Variants in EDN1 observed in about 807,000 individuals in gnomAD.
The protein encoded by EDN1 is endothelin-1.
In EDN1, 11 loss-of-function variants were observed where a neutral mutation model predicts 21.7. That is an observed-to-expected ratio of 0.51 (90% CI 0.32 to 0.84). EDN1 has a LOEUF of 0.84. Ranked by LOEUF, EDN1 falls within the 40% of genes least tolerant of loss-of-function variation. The pLI is 0.03. For missense variants in EDN1, 244 were observed against 262.3 expected (o/e 0.93, Z 0.48); for synonymous variants, 85 against 90.6 (o/e 0.94, Z 0.35).
Position 12,292,337 on chromosome 6 carries a change from C to T in EDN1, c.65-4C>T, listed in dbSNP as rs376331416. 4 of 1,613,794 alleles carry T rather than the reference C, an allele frequency of 2.5e-6. No individual in the cohort carries two copies. In the African/African-American group the frequency reaches 5.3e-5, roughly 22 times the overall value. On this transcript the variant is annotated splice_region_variant and splice_polypyrimidine_tract_variant and intron_variant, in intron 1 of 4. Transcript: ENST00000379375. Reference sequence around the variant, plus strand: ...CCCCACTGACCTGCTCTTTCTCTCCCCAGCAGTCTTAGGCGCTGAGCTCAG... The same window carrying T: ...CCCCACTGACCTGCTCTTTCTCTCCTCAGCAGTCTTAGGCGCTGAGCTCAG...
chr6:12,248,507 C>A, the EDN1 span, among the ~76,000 whole-genome samples: 1 of 152,172 alleles, frequency 6.6e-6, no homozygotes, highest in South Asian at 2.1e-4. Context: ...AGTCTATGAG[C>A]AGACTGAATG....
At chr6:12,256,602 A>G in the EDN1 span, among the ~76,000 whole-genome samples, 6 of 152,192 alleles carry the variant, frequency 3.9e-5, no homozygotes, top group Non-Finnish European at 1.5e-5. Context: ...GGCCAAAAGC[A>G]TGGAAACCAA....
chr6:12,277,409 T>G, the EDN1 span, among the ~76,000 whole-genome samples: 1 of 152,372 alleles, frequency 6.6e-6, no homozygotes, highest in South Asian at 2.1e-4. Context: ...TGAGCTCATT[T>G]CATACTTAAC....
At chr6:12,247,680 A>G in the EDN1 span, among the ~76,000 whole-genome samples, 1 of 151,612 alleles carries the variant, frequency 6.6e-6, no homozygotes, top group Non-Finnish European at 1.5e-5. Context: ...CTGGGATTAC[A>G]GACATGCGCC....
chr6:12,294,372 A>G lies in EDN1; in HGVS notation c.501A>G (p.Arg167=). Reference sequence around the variant, plus strand: ...AGTTAGTGAGAGGAAGAAAAATCAGAAGAAGTTCAGAGGAACACCTAAGAC... The same window carrying G: ...AGTTAGTGAGAGGAAGAAAAATCAGGAGAAGTTCAGAGGAACACCTAAGAC... The part of the protein sequence containing the change: ...YQQLVRGRKI[R]RSSEEHLRQT... Residue 167 remains arginine (R), a synonymous_variant, in exon 4 of 5, where the codon AGA becomes AGG. Transcript: ENST00000379375. 1 of 1,613,524 alleles carries G rather than the reference A, an allele frequency of 6.2e-7. No homozygotes were observed. The highest frequency in any genetic ancestry group is 2.2e-5 in the East Asian group (1 of 44,830).
chr6:12,280,038 C>T, the EDN1 span, among the ~76,000 whole-genome samples: 181 of 151,870 alleles, frequency 1.2e-3, no homozygotes, highest in Non-Finnish European at 2.4e-3. Context: ...ATTAGAGTTG[C>T]TTTTTAAAAA....
rs761925051 is a variant in EDN1 at position 12,296,196 on chromosome 6, C to T, written c.*129C>T. 24 of 827,106 alleles carry T rather than the reference C, an allele frequency of 2.9e-5. No homozygotes were observed. The highest frequency in any genetic ancestry group is 6.7e-5 in the African/African-American group (4 of 59,738). 51.2% of individuals were successfully genotyped at this position (827,106 alleles called of 1,614,324 possible). A position where few individuals can be genotyped will look rare whatever the true frequency, so the allele number is the denominator to read the frequency against. ...TGGTTCCTGACTGGCAAAGGACCAGCGTCCTCGTTCAAAACATTCCAAGAA... is the reference window on the plus strand; with the variant it reads ...TGGTTCCTGACTGGCAAAGGACCAGTGTCCTCGTTCAAAACATTCCAAGAA... On this transcript the variant is annotated 3_prime_UTR_variant, in exon 5 of 5. Coordinates refer to ENST00000379375, the MANE Select transcript of EDN1 (RefSeq NM_001955.5).
rs150035515 is a variant in EDN1 at position 12,292,366 on chromosome 6, G to T, written c.90G>T (p.Ala30=). Residue 30 remains alanine, a synonymous_variant, in exon 2 of 5, where the codon GCG becomes GCT. Coordinates refer to ENST00000379375, the MANE Select transcript of EDN1 (RefSeq NM_001955.5). ...CAGTCTTAGGCGCTGAGCTCAGCGCGGTGGGTGAGAACGGCGGGGAGAAAC... is the reference window on the plus strand; with the variant it reads ...CAGTCTTAGGCGCTGAGCTCAGCGCTGTGGGTGAGAACGGCGGGGAGAAAC... ...ETAVLGAELS[A]VGENGGEKPT... 118 of 1,614,020 alleles carry T rather than the reference G, an allele frequency of 7.3e-5. 2 individuals carry two copies. The highest frequency in any genetic ancestry group is 8.6e-5 in the Non-Finnish European group (101 of 1,180,058).
chr6:12,292,528 T>C lies in EDN1; in HGVS notation c.233+19T>C. 3 of 1,614,148 alleles carry C rather than the reference T, an allele frequency of 1.9e-6. No individual in the cohort carries two copies. Among genetic ancestry groups the C allele is most frequent in the Non-Finnish European group, 2.5e-6 (3 of 1,179,968 alleles). On this transcript the variant is annotated intron_variant, in intron 2 of 4. Coordinates refer to ENST00000379375, the MANE Select transcript of EDN1 (RefSeq NM_001955.5). ...CTCCCGAGTAAGTCTCTAGAGGGCA[T>C]TGTAACCCTAGTCATTCATTAGCGC... is the stretch of plus-strand genomic sequence containing the variant.
At chr6:12,247,980 G>A in the EDN1 span, among the ~76,000 whole-genome samples, 2 of 152,072 alleles carry the variant, frequency 1.3e-5, no homozygotes, top group East Asian at 3.9e-4. Flanking sequence ...ATAAGGTTAG[G>A]GTCTTAATCC....
the EDN1 span, among the ~76,000 whole-genome samples, chr6:12,243,728 C>T: frequency 2.0e-5 from 3 of 152,036 alleles, no homozygotes; most frequent in Admixed American, 6.5e-5. Flanking sequence ...TAGTTATATC[C>T]CCAAAAGCCT....
At chr6:12,242,309 G>A in the EDN1 span, among the ~76,000 whole-genome samples, 2 of 151,998 alleles carry the variant, frequency 1.3e-5, no homozygotes, top group South Asian at 2.1e-4. Context: ...GATTTGACTC[G>A]CCTGATTGCA....
upstream of EDN1, among the ~76,000 whole-genome samples, chr6:12,290,118 G>A (rs1012079279): frequency 1.3e-5 from 2 of 152,162 alleles, no homozygotes; most frequent in Admixed American, 1.3e-4. Context: ...GGCAGGTTTA[G>A]CAAAGGTCTC....
intron 2 of EDN1, 40 bp from the exon 3 acceptor site, chr6:12,293,901 A>T (rs781099441): frequency 6.2e-7 from 1 of 1,609,736 alleles, no homozygotes; most frequent in South Asian, 1.1e-5. Flanking sequence ...AAAGACTATT[A>T]ATTACACTAA....
the EDN1 span, among the ~76,000 whole-genome samples, chr6:12,255,057 T>G: frequency 6.6e-6 from 1 of 151,998 alleles, no homozygotes; most frequent in Admixed American, 6.5e-5. Context: ...TTCTTTCAGA[T>G]AAATTGTTCC....
At chr6:12,246,224 T>C in the EDN1 span, among the ~76,000 whole-genome samples, 2 of 152,128 alleles carry the variant, frequency 1.3e-5, no homozygotes, top group Admixed American at 6.5e-5. Context: ...TCTGAGTGGT[T>C]TGCCTGACTC....
chr6:12,250,193 CACTG>C, the EDN1 span, among the ~76,000 whole-genome samples: 11 of 151,654 alleles, frequency 7.3e-5, no homozygotes, highest in Non-Finnish European at 4.4e-5. Flanking sequence ...AAAAAGTGTT[CACTG>C]ACTGCTGGAA....
the EDN1 span, among the ~76,000 whole-genome samples, chr6:12,267,741 T>C: frequency 6.6e-6 from 1 of 152,238 alleles, no homozygotes; most frequent in African/African-American, 2.4e-5. Flanking sequence ...AGATCTTCAC[T>C]GTAGATAAAA....
intron 1 of EDN1, 30 bp from the exon 2 acceptor site, chr6:12,292,311 C>T (rs1476817517): frequency 6.2e-7 from 1 of 1,612,408 alleles, no homozygotes; most frequent in Non-Finnish European, 8.5e-7. Context: ...GAGGAGACAT[C>T]CCCCACTGAC....
Sources: allele counts gnomAD v4.1 joint callset (sites outside exome capture counted in the v4.1 genomes callset), GRCh38; gene constraint gnomAD v4.1.1; transcripts MANE v1.5; gene names NCBI Gene and HGNC (gene_info 2026-07-23, HGNC 2026-07-21).